TBCD: variants seen among roughly 807,000 people sequenced by gnomAD.
The protein encoded by TBCD is tubulin-specific chaperone D.
In TBCD, 105 loss-of-function variants were observed where a neutral mutation model predicts 169.3. The observed-to-expected ratio is 0.62, with a 90% CI of 0.53 to 0.73. The LOEUF is 0.73. Ranked by LOEUF, TBCD falls within the 30% of genes least tolerant of loss-of-function variation. The probability of loss-of-function intolerance (pLI) is 0.00; values close to 1 mark genes in which losing one functional copy is unlikely to be tolerated. For synonymous variants in TBCD, 700 were observed against 643.9 expected (o/e 1.09, Z -1.32); for missense variants, 1,444 against 1,600.1 (o/e 0.90, Z 1.66).
rs141166150 is a variant in TBCD, at chr17:82,911,165, C to T, written c.2007-593C>T. Among the ~76,000 whole-genome samples the T allele has an allele frequency of 1.1e-3, 169 of 152,328 alleles. 1 individual carries two copies. Among genetic ancestry groups the T allele is most frequent in the Middle Eastern group, 0.01 (3 of 294 alleles). On this transcript the variant is annotated intron_variant, in intron 22 of 38. Transcript: ENST00000355528. Reference sequence around the variant, plus strand: ...CTTCACCTCCTGGTGTTGGAGCCAGCATTTCATATGTTGCATTCTGTCCAG... The same window carrying T: ...CTTCACCTCCTGGTGTTGGAGCCAGTATTTCATATGTTGCATTCTGTCCAG...
intron 11 of TBCD, among the ~76,000 whole-genome samples, chr17:82,808,118 G>A (rs1206013769): frequency 2.0e-5 from 3 of 152,160 alleles, no homozygotes; most frequent in Non-Finnish European, 4.4e-5. Context: ...CTGCACCCCA[G>A]GCCTCAGTGG....
At chr17:82,887,172 C>CGCGCGCGCGCGCGCGT (rs1567961618) in intron 15 of TBCD, among the ~76,000 whole-genome samples, 2 of 46,450 alleles carry the variant, frequency 4.3e-5, no homozygotes, top group African/African-American at 2.2e-4. Flanking sequence ...TGTGTGTGCG[C>CGCGCGCGCGCGCGCGT]GCGCGCGCAC....
chr17:82,844,948 G>C (rs868629213), intron 13 of TBCD, among the ~76,000 whole-genome samples: 1 of 152,094 alleles, frequency 6.6e-6, no homozygotes, highest in African/African-American at 2.4e-5. Flanking sequence ...GAACATGGCC[G>C]AGGTACCCAG....
intron 11 of TBCD, among the ~76,000 whole-genome samples, chr17:82,809,166 G>A (rs1013817568): frequency 2.6e-5 from 4 of 152,058 alleles, no homozygotes; most frequent in Non-Finnish European, 5.9e-5. Flanking sequence ...ATGGGCCCAC[G>A]CAGTGAGAGG....
At chr17:82,907,895 C>A in intron 21 of TBCD, 74 bp downstream of exon 21, 1 of 1,524,674 alleles carries the variant, frequency 6.6e-7, no homozygotes, top group Admixed American at 1.9e-5. Flanking sequence ...CCCACCCTCC[C>A]CAGGCAGGGT....
rs539122747 is a variant in TBCD, at chr17:82,919,468, A to C, written c.2039-1088A>C. ...CAGTCGAAAAGGTAAAAAGTTAATTAGTGTACAAAGACTAAATTGTAAAAC... is the reference window on the plus strand; with the variant it reads ...CAGTCGAAAAGGTAAAAAGTTAATTCGTGTACAAAGACTAAATTGTAAAAC... On this transcript the variant is annotated intron_variant, in intron 23 of 38. Transcript: ENST00000355528. 8.5e-5 allele frequency among the ~76,000 whole-genome samples: 13 copies of C among 152,314 alleles called. No individual in the cohort carries two copies. The East Asian group carries it at 2.5e-3, about 29-fold the overall frequency.
chr17:82,930,562 GC>G lies in TBCD; in HGVS notation c.3033del (p.Ile1012PhefsTer24). The G allele has an allele frequency of 6.2e-7, 1 of 1,613,828 alleles. No individual in the cohort carries two copies. The highest frequency in any genetic ancestry group is 8.5e-7 in the Non-Finnish European group (1 of 1,179,868). On this transcript the variant is annotated frameshift_variant, in exon 33 of 39. Transcript: ENST00000355528. LOFTEE classifies it high-confidence loss of function. The surrounding 1 kb of genome is among the most constrained non-coding windows in gnomAD (Gnocchi z 5.2). ...STQSLFEYMK[G>X]IQSDPQALGS... ...CAGAGCCTCTTTGAGTACATGAAGG[GC>G]ATTCAGAGCGACCCGCAGGCCCTGG...
chr17:82,915,090 T>C lies in TBCD; in HGVS notation c.2038+3301T>C, dbSNP rs1212168256. Among the ~76,000 whole-genome samples the C allele has an allele frequency of 3.9e-5, 6 of 152,142 alleles. No individual in the cohort carries two copies. The East Asian group carries it at 1.2e-3, about 29-fold the overall frequency. ...TTTCAAGTGAGACAAGACTCCAAGC[T>C]CTTGTCGGGGTGAGAAATCTGCGGG... is the stretch of plus-strand genomic sequence containing the variant. On this transcript the variant is annotated intron_variant, in intron 23 of 38. Transcript: ENST00000355528. The surrounding 1 kb of genome is among the most constrained non-coding windows in gnomAD (Gnocchi z 4.3).
chr17:82,841,190 C>T (rs912817200), intron 13 of TBCD, among the ~76,000 whole-genome samples: 9 of 152,004 alleles, frequency 5.9e-5, no homozygotes, highest in South Asian at 2.1e-4. Flanking sequence ...GATCCACCCA[C>T]GTCGGCCTCC....
Position 82,907,562 on chromosome 17 carries a change from A to G in TBCD, c.1923-199A>G, listed in dbSNP as rs975040220. Among the ~76,000 whole-genome samples, 22 of 152,380 alleles carry G rather than the reference A, an allele frequency of 1.4e-4. 1 individual carries two copies. In the South Asian group the frequency reaches 2.3e-3, roughly 16 times the overall value. On this transcript the variant is annotated intron_variant, in intron 20 of 38. Coordinates refer to ENST00000355528, the MANE Select transcript of TBCD (RefSeq NM_005993.5). Reference sequence around the variant, plus strand: ...ATGTAAAACAATACAGTAGAATACAAAAATAATCGGAGGTATGTCCTGCAG... The same window carrying G: ...ATGTAAAACAATACAGTAGAATACAGAAATAATCGGAGGTATGTCCTGCAG...
intron 2 of TBCD, among the ~76,000 whole-genome samples, chr17:82,762,360 G>A (rs2047810393): frequency 6.7e-6 from 1 of 149,602 alleles, no homozygotes; most frequent in African/African-American, 2.5e-5. Context: ...AAATGTTTAT[G>A]TACAAGTTTT....
intron 13 of TBCD, among the ~76,000 whole-genome samples, chr17:82,867,246 C>T (rs933053167): frequency 9.2e-5 from 14 of 152,174 alleles, no homozygotes; most frequent in African/African-American, 3.4e-4. Flanking sequence ...CAGGTGCATG[C>T]GTTGGGCGTG....
intron 4 of TBCD, among the ~76,000 whole-genome samples, chr17:82,767,028 C>T (rs1262053361): frequency 6.6e-6 from 1 of 152,236 alleles, no homozygotes; most frequent in Non-Finnish European, 1.5e-5. Flanking sequence ...AAGCAGGTGC[C>T]AGCGTAAAGC....
intron 22 of TBCD, among the ~76,000 whole-genome samples, chr17:82,910,552 C>G (rs2060559246): frequency 6.6e-6 from 1 of 151,790 alleles, no homozygotes; most frequent in African/African-American, 2.4e-5. Context: ...CTGTGGTTCA[C>G]TTTTCTTTTC....
chr17:82,938,257 G>A (rs1484460081), intron 36 of TBCD, 121 bp downstream of exon 36: 4 of 1,147,892 alleles, frequency 3.5e-6, no homozygotes, highest in Non-Finnish European at 5.0e-6. Context: ...TCTCGTTAAC[G>A]CGCCTGGGTG....
chr17:82,775,832 G>A (rs959672426), intron 6 of TBCD, among the ~76,000 whole-genome samples: 2 of 151,834 alleles, frequency 1.3e-5, no homozygotes, highest in Non-Finnish European at 2.9e-5. Flanking sequence ...CATGGCACAT[G>A]TATACGTATG....
rs553779593 is a variant in TBCD, at chr17:82,762,866, C to T, written c.236-1099C>T. Among the ~76,000 whole-genome samples the T allele has an allele frequency of 3.0e-4, 45 of 152,260 alleles. 1 individual carries two copies. The highest frequency in any genetic ancestry group is 1.7e-3 in the South Asian group (8 of 4,822). The stretch of plus-strand genomic sequence containing the variant: ...TCCAGCTGCTCTGGGTTCTCTTCAG[C>T]ACTCAGCGTTGCCAGTCTCTCTGAT... On this transcript the variant is annotated intron_variant, in intron 2 of 38. Coordinates refer to ENST00000355528, the MANE Select transcript of TBCD (RefSeq NM_005993.5).
At chr17:82,764,785 T>C (rs1242168464) in intron 3 of TBCD, among the ~76,000 whole-genome samples, 2 of 147,274 alleles carry the variant, frequency 1.4e-5, no homozygotes, top group East Asian at 2.0e-4. Flanking sequence ...GTGCTCATAG[T>C]CTGCTTTTCT....
At position 82,835,503 on chromosome 17, in the gene TBCD, A is replaced by G. The variant is rs775343987; in HGVS notation, c.1318+20569A>G. Among the ~76,000 whole-genome samples the G allele has an allele frequency of 1.3e-5, 2 of 151,912 alleles. No individual in the cohort carries two copies. On this transcript the variant is annotated intron_variant, in intron 13 of 38. Transcript: ENST00000355528. This position sits in a 1 kb window ranked among gnomAD's most constrained non-coding sequence, Gnocchi z 4.5. ...AGTGGTGCGATCTCGGTTCACTGCA[A>G]CCTCTGCCTCCTGGGTTCAAGAGAT...
Sources: gnomAD v4.1 joint callset for allele counts (sites outside exome capture counted in the v4.1 genomes callset) on GRCh38, gnomAD v4.1.1 for gene constraint, Gnocchi (gnomAD v3.1) non-coding constraint, MANE v1.5 for transcripts, NCBI Gene and HGNC (gene_info 2026-07-23, HGNC 2026-07-21) for gene names.